Variants in AMPH observed in about 807,000 individuals in gnomAD.
AMPH encodes the protein amphiphysin.
In AMPH, 49 loss-of-function variants were observed where a neutral mutation model predicts 99.1. The observed-to-expected ratio is 0.49, with a 90% CI of 0.39 to 0.63. The LOEUF (loss-of-function observed/expected upper bound fraction) is 0.63. AMPH is among the 20% of genes least tolerant of loss of function. The pLI, the probability that AMPH is intolerant of heterozygous loss-of-function variation, is 0.00. For missense variants in AMPH, 759 were observed against 863.4 expected (o/e 0.88, Z 1.52); for synonymous variants, 314 against 317.3 (o/e 0.99, Z 0.11).
intron 1 of AMPH, among the ~76,000 whole-genome samples, chr7:38,601,202 G>A (rs750609343): frequency 5.3e-5 from 8 of 152,130 alleles, no homozygotes; most frequent in Non-Finnish European, 8.8e-5. Context: ...CAAATGTCAA[G>A]GCCTCATCCA....
intron 1 of AMPH, among the ~76,000 whole-genome samples, chr7:38,590,943 A>G (rs1792833995): frequency 6.6e-6 from 1 of 152,254 alleles, no homozygotes; most frequent in African/African-American, 2.4e-5. Context: ...ATTTTATATT[A>G]TAAGCGATTT....
At chr7:38,461,486 G>A in intron 10 of AMPH, 75 bp from the exon 11 acceptor site, 5 of 1,564,752 alleles carry the variant, frequency 3.2e-6, no homozygotes, top group East Asian at 2.3e-5. Context: ...CACATGAACA[G>A]AGCTACATGG....
At chr7:38,399,532 A>C (rs908475482) in intron 17 of AMPH, among the ~76,000 whole-genome samples, 2 of 152,240 alleles carry the variant, frequency 1.3e-5, no homozygotes, top group Admixed American at 6.5e-5. Flanking sequence ...GGTTTTCATC[A>C]ATGAAAGTTA....
chr7:38,449,558 A>G (rs1322960221), intron 11 of AMPH, among the ~76,000 whole-genome samples: 2 of 152,170 alleles, frequency 1.3e-5, no homozygotes, highest in African/African-American at 4.8e-5. Flanking sequence ...TAATGACCCA[A>G]TGATTTTAAA....
At chr7:38,388,541 T>G (rs1784406537) in intron 20 of AMPH, among the ~76,000 whole-genome samples, 1 of 152,158 alleles carries the variant, frequency 6.6e-6, no homozygotes, top group Non-Finnish European at 1.5e-5. Context: ...ATGAAATTTT[T>G]TTTTAACTCA....
chr7:38,568,645 G>A (rs1356883920), intron 1 of AMPH, among the ~76,000 whole-genome samples: 1 of 152,198 alleles, frequency 6.6e-6, no homozygotes, highest in Non-Finnish European at 1.5e-5. Context: ...TGATGCAACA[G>A]GAAGAGTGCT....
In AMPH at chr7:38,436,278, C is replaced by T. The variant is rs17171345; in HGVS notation, c.1128G>A (p.Met376Ile). Residue 376 changes from methionine (M) to isoleucine (I), a missense_variant, in exon 12 of 21, where the codon ATG (methionine) becomes ATA (isoleucine). By Grantham distance (10) the Met-to-Ile change is conservative. This residue lies in a region of AMPH where 554 missense variants were observed against 575.6 expected (regional missense o/e 0.96). Transcript: ENST00000356264. ...TCCAAAAAGCACCTGATACCTGAGA[C>T]ATGGGTGAGTGGGTCACTCCAGCAG... is the stretch of plus-strand genomic sequence containing the variant. ...AGSAGVTHSP[M>I]SQTLPWDLWT... 6.2e-6 allele frequency: 10 copies of T among 1,613,392 alleles called. No homozygotes were observed. In the African/African-American group the frequency reaches 8.0e-5, roughly 13 times the overall value.
At chr7:38,595,343 A>G (rs532558354) in intron 1 of AMPH, among the ~76,000 whole-genome samples, 1 of 152,314 alleles carries the variant, frequency 6.6e-6, no homozygotes, top group East Asian at 1.9e-4. Flanking sequence ...GACAAAGGTC[A>G]TGCTGAAATT....
At chr7:38,548,098 C>T (rs745729370) in intron 1 of AMPH, among the ~76,000 whole-genome samples, 34 of 150,708 alleles carry the variant, frequency 2.3e-4, no homozygotes, top group African/African-American at 3.9e-4. Flanking sequence ...GTGCGATCTC[C>T]GCTCACGGCA....
chr7:38,493,751 T>C (rs1305019629), intron 4 of AMPH, among the ~76,000 whole-genome samples: 1 of 152,174 alleles, frequency 6.6e-6, no homozygotes, highest in Non-Finnish European at 1.5e-5. Flanking sequence ...TCTGAACTCC[T>C]GTCCCTGCAT....
chr7:38,472,645 T>C (rs1787927113), intron 7 of AMPH, among the ~76,000 whole-genome samples: 1 of 152,192 alleles, frequency 6.6e-6, no homozygotes, highest in Non-Finnish European at 1.5e-5. Flanking sequence ...TTGAGTAATC[T>C]GGATTTCATT....
At chr7:38,404,549 C>T (rs1227059174) in intron 17 of AMPH, among the ~76,000 whole-genome samples, 1 of 152,114 alleles carries the variant, frequency 6.6e-6, no homozygotes, top group African/African-American at 2.4e-5. Context: ...GCCTTGGCCT[C>T]CTGAAAGCAC....
Position 38,529,881 on chromosome 7 carries a change from C to T in AMPH, c.150+5050G>A, listed in dbSNP as rs1451757603. On this transcript the variant is annotated intron_variant, in intron 2 of 20. Transcript: ENST00000356264. ...GCTTCTGAAGGTAAGTATAATTTAT[C>T]GTAAATTAAAATTTTATCCACACAT... is the stretch of plus-strand genomic sequence containing the variant. Among the ~76,000 whole-genome samples the T allele has an allele frequency of 5.9e-5, 9 of 152,258 alleles. No individual in the cohort carries two copies. In the East Asian group the frequency reaches 9.6e-4, roughly 16 times the overall value.
chr7:38,615,409 G>A (rs143256607), intron 1 of AMPH, among the ~76,000 whole-genome samples: 26 of 152,196 alleles, frequency 1.7e-4, no homozygotes, highest in African/African-American at 6.3e-4. Flanking sequence ...GTCTAAAAAG[G>A]GAGATAAAAC....
chr7:38,433,744 A>AAAAAAAAAAAAAAAAAAAAAG (rs1562751901), intron 12 of AMPH, among the ~76,000 whole-genome samples: 3 of 147,404 alleles, frequency 2.0e-5, no homozygotes, highest in African/African-American at 7.7e-5. Context: ...AAAAAAAAAA[A>AAAAAAAAAAAAAAAAAAAAAG]AAGAATCAAA....
At chr7:38,626,837 A>G (rs1233685349) in intron 1 of AMPH, among the ~76,000 whole-genome samples, 9 of 152,240 alleles carry the variant, frequency 5.9e-5, no homozygotes, top group African/African-American at 2.2e-4. Context: ...CAAGAAAAAA[A>G]CAACCCCATC....
chr7:38,406,509 G>A (rs1421476681), intron 17 of AMPH, among the ~76,000 whole-genome samples: 1 of 152,094 alleles, frequency 6.6e-6, no homozygotes, highest in Admixed American at 6.5e-5. Flanking sequence ...CTGGATTGAG[G>A]GATGCCTAGA....
intron 17 of AMPH, among the ~76,000 whole-genome samples, chr7:38,416,314 T>C (rs1188527638): frequency 6.6e-6 from 1 of 152,030 alleles, no homozygotes; most frequent in Non-Finnish European, 1.5e-5. Flanking sequence ...TTCAGCCGTA[T>C]TGAACACAGT....
At chr7:38,406,731 C>CTCTCTCTCTCTCTCTCTCTCTCTCTCT (rs1562732477) in intron 17 of AMPH, among the ~76,000 whole-genome samples, 5 of 80,580 alleles carry the variant, frequency 6.2e-5, no homozygotes, top group African/African-American at 1.1e-4. Flanking sequence ...TCTCCCTTTC[C>CTCTCTCTCTCTCTCTCTCTCTCTCTCT]CTCTCTCTCT....
Sources: allele counts gnomAD v4.1 joint callset (sites outside exome capture counted in the v4.1 genomes callset), GRCh38; gene constraint gnomAD v4.1.1; regional missense constraint gnomAD v4.1.1; transcripts MANE v1.5; gene names NCBI Gene and HGNC (gene_info 2026-07-23, HGNC 2026-07-21).